Variants in GLCE observed in about 807,000 individuals in gnomAD.
The protein encoded by GLCE is glucuronic acid epimerase, also known as D-glucuronyl C5-epimerase.
Under a neutral mutation model 47.9 loss-of-function variants are expected in GLCE, and 19 were observed. That is an observed-to-expected ratio of 0.40 (90% CI 0.28 to 0.58). The LOEUF (loss-of-function observed/expected upper bound fraction) is 0.58, where lower values mean the gene tolerates loss of function less well. Among genes scored for constraint, GLCE ranks in the 20% least tolerant of loss-of-function variants. GLCE has a pLI of 0.48. For missense variants in GLCE, 556 were observed against 743.3 expected (o/e 0.75, Z 2.93); for synonymous variants, 245 against 263.4 (o/e 0.93, Z 0.68).
chr15:69,204,076 C>T (rs1280874473), intron 1 of GLCE, among the ~76,000 whole-genome samples: 1 of 151,938 alleles, frequency 6.6e-6, no homozygotes, highest in Non-Finnish European at 1.5e-5. Context: ...TTTGTGACCA[C>T]ATGCATGTAT....
rs910364051 is a variant in GLCE, at chr15:69,268,324, A to G, written c.934A>G (p.Thr312Ala). 3.1e-6 allele frequency: 5 copies of G among 1,613,462 alleles called. No individual in the cohort carries two copies. In the African/African-American group the frequency reaches 5.3e-5, roughly 17 times the overall value. ...TGGAAGTGTGTCCGTGGTTCTAGAGACCACAGAAAAGAATCAGCTCTTCAC... is the reference window on the plus strand; with the variant it reads ...TGGAAGTGTGTCCGTGGTTCTAGAGGCCACAGAAAAGAATCAGCTCTTCAC... ...TNGSVSVVLETTEKNQLFTIH... is the reference protein window; with the variant it reads ...TNGSVSVVLEATEKNQLFTIH... Residue 312 changes from threonine to alanine, a missense_variant, in exon 5 of 5, where the codon ACC becomes GCC. Physicochemically the swap from Thr to Ala is moderately conservative, Grantham distance 58. Around this residue, in one of 3 missense-constraint regions of GLCE, gnomAD observed 74 missense variants for 64.4 expected, o/e 1.15. Transcript: ENST00000261858.
At position 69,256,007 on chromosome 15, in the gene GLCE, C is replaced by T. The variant is rs193005521; in HGVS notation, c.201C>T (p.His67=). The change falls in exon 3 of 5, where the codon CAC becomes CAT. Residue 67 remains histidine (H), a synonymous_variant. Transcript: ENST00000261858. ...CTGAGAGTAACAACTATATGAACCACGTGGCCAAACAACAGTCTGAGGAAG... is the reference window on the plus strand; with the variant it reads ...CTGAGAGTAACAACTATATGAACCATGTGGCCAAACAACAGTCTGAGGAAG... ...AASESNNYMN[H]VAKQQSEEAF... 16 of 1,614,006 alleles carry T rather than the reference C, an allele frequency of 9.9e-6. No individual in the cohort carries two copies. Among genetic ancestry groups the T allele is most frequent in the South Asian group, 5.5e-5 (5 of 91,068 alleles).
chr15:69,228,604 A>C (rs1423655160), intron 2 of GLCE, among the ~76,000 whole-genome samples: 2 of 152,238 alleles, frequency 1.3e-5, no homozygotes. Flanking sequence ...TAATGGATAA[A>C]ATTTAAAATA....
At chr15:69,168,721 G>A (rs2051541399) in intron 1 of GLCE, among the ~76,000 whole-genome samples, 1 of 152,004 alleles carries the variant, frequency 6.6e-6, no homozygotes, top group African/African-American at 2.4e-5. Flanking sequence ...TAGTAGAGAT[G>A]GGATTTCTCC....
chr15:69,184,987 T>C (rs1488487933), intron 1 of GLCE, among the ~76,000 whole-genome samples: 1 of 152,196 alleles, frequency 6.6e-6, no homozygotes, highest in Non-Finnish European at 1.5e-5. Context: ...TGAGGATGGA[T>C]CCACCATTGA....
In GLCE at chr15:69,255,973, C is replaced by T. The variant is rs760203085; in HGVS notation, c.167C>T (p.Ala56Val). ...AGAGTGGATGGGTTTGAAAAAAGAG[C>T]AGCAGCATCTGAGAGTAACAACTAT... ...GFRVDGFEKR[A>V]AASESNNYMN... The change falls in exon 3 of 5, where the codon GCA (alanine) becomes GTA (valine). Residue 56 changes from alanine (A) to valine (V), a missense_variant. By Grantham distance (64) the Ala-to-Val change is moderately conservative. Transcript: ENST00000261858. 1 of 1,613,996 alleles carries T rather than the reference C, an allele frequency of 6.2e-7. No individual in the cohort carries two copies. Among genetic ancestry groups the T allele is most frequent in the East Asian group, 2.2e-5 (1 of 44,866 alleles).
At chr15:69,209,429 AGAGTC>A (rs1372266282) in intron 1 of GLCE, among the ~76,000 whole-genome samples, 1 of 148,696 alleles carries the variant, frequency 6.7e-6, no homozygotes, top group African/African-American at 2.6e-5. Context: ...CAACCCAGTT[AGAGTC>A]ACACTGCAAA....
chr15:69,183,237 G>T (rs2051776101), intron 1 of GLCE, among the ~76,000 whole-genome samples: 1 of 152,154 alleles, frequency 6.6e-6, no homozygotes, highest in African/African-American at 2.4e-5. Context: ...AATAATGATG[G>T]TGTAATGAGC....
intron 1 of GLCE, among the ~76,000 whole-genome samples, chr15:69,202,685 A>G (rs2052092880): frequency 6.6e-6 from 1 of 152,130 alleles, no homozygotes; most frequent in African/African-American, 2.4e-5. Context: ...CTACACAGGC[A>G]TTGATTTCAA....
At chr15:69,181,104 C>T (rs1175657120) in intron 1 of GLCE, among the ~76,000 whole-genome samples, 1 of 152,064 alleles carries the variant, frequency 6.6e-6, no homozygotes. Context: ...AGTTTGTGGT[C>T]TGAGCACCTA....
At position 69,212,218 on chromosome 15, in the gene GLCE, A is replaced by G. The variant is rs367904984; in HGVS notation, c.-14+1812A>G. Among the ~76,000 whole-genome samples, 12 of 152,082 alleles carry G rather than the reference A, an allele frequency of 7.9e-5. No homozygotes were observed. The East Asian group carries it at 2.1e-3, about 27-fold the overall frequency. On this transcript the variant is annotated intron_variant, in intron 2 of 4. Coordinates refer to ENST00000261858, the MANE Select transcript of GLCE (RefSeq NM_015554.3). The stretch of plus-strand genomic sequence containing the variant: ...GAATAAAATAATCAATTTCTTACGA[A>G]TAAGTAAAATTTCCTCTTAAATGAT...
Position 69,268,555 on chromosome 15 carries a change from G to A in GLCE, c.1165G>A (p.Gly389Arg), listed in dbSNP as rs143829672. Residue 389 changes from glycine to arginine, a missense_variant, in exon 5 of 5, where the codon GGA (glycine) becomes AGA (arginine). By Grantham distance (125) the Gly-to-Arg change is moderately radical (BLOSUM62 -2). Around this residue, in one of 3 missense-constraint regions of GLCE, gnomAD observed 245 missense variants for 368.1 expected, o/e 0.67. Transcript: ENST00000261858. ...KVVRLIAKGK[G>R]FLDNITISTT... ...GGTTAGGTTGATTGCAAAAGGTAAG[G>A]GATTCCTCGACAACATTACCATCTC... The A allele has an allele frequency of 6.2e-7, 1 of 1,614,162 alleles. No homozygotes were observed. Among genetic ancestry groups the A allele is most frequent in the Non-Finnish European group, 8.5e-7 (1 of 1,180,018 alleles).
At chr15:69,224,915 G>A (rs1012050861) in intron 2 of GLCE, among the ~76,000 whole-genome samples, 3 of 152,150 alleles carry the variant, frequency 2.0e-5, no homozygotes, top group African/African-American at 7.2e-5. Context: ...TTCCTACTTT[G>A]TCATCTTTCT....
chr15:69,243,501 G>A (rs1037460451), intron 2 of GLCE, among the ~76,000 whole-genome samples: 7 of 151,318 alleles, frequency 4.6e-5, no homozygotes, highest in African/African-American at 1.5e-4. Context: ...CACTTTGGGA[G>A]GCTAAAAGGA....
At chr15:69,197,537 T>G (rs2052012274) in intron 1 of GLCE, 1 of 155,644 alleles carries the variant, frequency 6.4e-6, no homozygotes, top group African/African-American at 2.4e-5. Flanking sequence ...TTAAAACCAG[T>G]AGAGGTGGGT....
At chr15:69,176,562 C>T (rs1425652560) in intron 1 of GLCE, among the ~76,000 whole-genome samples, 3 of 151,900 alleles carry the variant, frequency 2.0e-5, no homozygotes, top group Non-Finnish European at 2.9e-5. Flanking sequence ...ATCTATATGG[C>T]ACTGCAATAT....
chr15:69,176,216 GTTTTTTT>G (rs35017106), intron 1 of GLCE, among the ~76,000 whole-genome samples: 79 of 63,406 alleles, frequency 1.2e-3, no homozygotes, highest in Admixed American at 2.8e-3. Context: ...GTGGAACCTT[GTTTTTTT>G]TTTTTTTTTT....
At chr15:69,232,755 C>G (rs944135394) in intron 2 of GLCE, among the ~76,000 whole-genome samples, 6 of 152,050 alleles carry the variant, frequency 3.9e-5, no homozygotes, top group African/African-American at 1.4e-4. Context: ...ATACTAGAAA[C>G]AATTAGACAA....
chr15:69,178,068 G>A (rs547179140), intron 1 of GLCE, among the ~76,000 whole-genome samples: 6 of 152,228 alleles, frequency 3.9e-5, no homozygotes, highest in South Asian at 2.1e-4. Flanking sequence ...ATTAGTGTAC[G>A]AGTCTTTATA....
Sources: gnomAD v4.1 joint callset for allele counts (sites outside exome capture counted in the v4.1 genomes callset) on GRCh38, gnomAD v4.1.1 for gene constraint, gnomAD v4.1.1 regional missense constraint, MANE v1.5 for transcripts, NCBI Gene and HGNC (gene_info 2026-07-23, HGNC 2026-07-21) for gene names.